The following SPI1 variants were observed in gnomAD, a reference collection of about 807,000 sequenced individuals.
SPI1 encodes the protein Spi-1 proto-oncogene.
SPI1 carries 3 observed loss-of-function variants against 30.7 expected under a neutral mutation model. The ratio of observed to expected loss-of-function variants is 0.10; its 90% CI spans 0.04 to 0.25. The LOEUF (loss-of-function observed/expected upper bound fraction) is 0.25, where lower values mean the gene tolerates loss of function less well. Among genes scored for constraint, SPI1 ranks in the 10% least tolerant of loss-of-function variants. SPI1 has a pLI of 1.00. For missense variants in SPI1, 261 were observed against 371.5 expected, an observed-to-expected ratio of 0.70 and a Z score of 2.45; for synonymous variants, 169 against 157.1, an observed-to-expected ratio of 1.08 and a Z score of -0.56.
At chr11:47,362,913 G>A (rs1213961349) in intron 2 of SPI1, among the ~76,000 whole-genome samples, 2 of 133,204 alleles carry the variant, frequency 1.5e-5, no homozygotes, top group Non-Finnish European at 3.2e-5. Context: ...CAGTGTGCAG[G>A]GGGAGGGGCT....
At chr11:47,376,186 A>C (rs1313821020) in intron 1 of SPI1, among the ~76,000 whole-genome samples, 2 of 151,626 alleles carry the variant, frequency 1.3e-5, no homozygotes, top group Non-Finnish European at 2.9e-5. Context: ...ACACATCTTC[A>C]TACCCACTCA....
rs200444347 is a variant in SPI1, at chr11:47,360,045, G to A, written c.143-5C>T. The stretch of plus-strand genomic sequence containing the variant: ...GGTGGAAGTCCCAGTAATGGTCTGT[G>A]GGGGACAGCCAGGCAGTATGGGGTG... On this transcript the variant is annotated splice_region_variant and splice_polypyrimidine_tract_variant and intron_variant, in intron 2 of 4. Transcript: ENST00000378538. 34 of 1,553,088 alleles carry A rather than the reference G, an allele frequency of 2.2e-5. No individual in the cohort carries two copies. In the East Asian group the frequency reaches 7.6e-4, roughly 35 times the overall value.
intron 2 of SPI1, among the ~76,000 whole-genome samples, chr11:47,360,500 A>C (rs1181007311): frequency 1.3e-5 from 2 of 152,160 alleles, no homozygotes; most frequent in Non-Finnish European, 2.9e-5. Context: ...GCCGGCCCTC[A>C]GGGAAAGTTG....
At chr11:47,370,214 C>A (rs1416660706) in intron 2 of SPI1, among the ~76,000 whole-genome samples, 1 of 151,606 alleles carries the variant, frequency 6.6e-6, no homozygotes, top group African/African-American at 2.4e-5. Flanking sequence ...ACCAGCCTGG[C>A]CAACATGGTG....
intron 2 of SPI1, among the ~76,000 whole-genome samples, chr11:47,364,510 A>G (rs1377244038): frequency 2.0e-5 from 3 of 151,912 alleles, no homozygotes; most frequent in African/African-American, 7.3e-5. Flanking sequence ...GGCTCTGCCC[A>G]TTTTTGCCTT....
chr11:47,355,975 AC>A (rs142497874), intron 4 of SPI1, among the ~76,000 whole-genome samples: 104,073 of 151,274 alleles, frequency 0.69, 35,845 homozygotes, highest in African/African-American at 0.75. Flanking sequence ...ACTCATGCTC[AC>A]ACCCACACAC....
rs2142898253 is a variant in SPI1, at chr11:47,374,780, G to C, written c.142+853C>G. ...CCTGCTCAGGTCCCAGGCACCTAAT[G>C]CCTCTCTCCCATCCCCTGAATTTGC... On this transcript the variant is annotated intron_variant, in intron 2 of 4. Coordinates refer to ENST00000378538, the MANE Select transcript of SPI1 (RefSeq NM_003120.3). This position sits in a 1 kb window ranked among gnomAD's most constrained non-coding sequence, Gnocchi z 4.5. 6.6e-6 allele frequency among the ~76,000 whole-genome samples: 1 copy of C among 152,368 alleles called. No individual in the cohort carries two copies. Among genetic ancestry groups the C allele is most frequent in the Middle Eastern group, 3.4e-3 (1 of 294 alleles).
At chr11:47,363,485 C>T (rs1473986006) in intron 2 of SPI1, among the ~76,000 whole-genome samples, 1 of 151,884 alleles carries the variant, frequency 6.6e-6, no homozygotes, top group Admixed American at 6.5e-5. Flanking sequence ...CACACCACTG[C>T]ACTCCAGCCT....
chr11:47,364,236 G>A (rs2095925230), intron 2 of SPI1, among the ~76,000 whole-genome samples: 1 of 151,930 alleles, frequency 6.6e-6, no homozygotes, highest in South Asian at 2.1e-4. Context: ...TTTTTTAGTA[G>A]AGACGGGTTT....
rs563746469 is a variant in SPI1, at chr11:47,368,163, C to T, written c.142+7470G>A. 8.5e-5 allele frequency among the ~76,000 whole-genome samples: 13 copies of T among 152,236 alleles called. No homozygotes were observed. The South Asian group carries it at 2.5e-3, about 29-fold the overall frequency. The stretch of plus-strand genomic sequence containing the variant: ...GGCAGATCGCCTGAGGTCAGGAGTT[C>T]GAGACCAGCCTGGCCAACATGGCAA... On this transcript the variant is annotated intron_variant, in intron 2 of 4. Coordinates refer to ENST00000378538, the MANE Select transcript of SPI1 (RefSeq NM_003120.3).
intron 4 of SPI1, among the ~76,000 whole-genome samples, chr11:47,356,137 C>G (rs140064370): frequency 6.6e-6 from 1 of 151,726 alleles, no homozygotes; most frequent in Non-Finnish European, 1.5e-5. Context: ...CCCACTTGCA[C>G]ATTCACACCC....
At chr11:47,358,316 G>C in intron 4 of SPI1, 1 of 533,364 alleles carries the variant, frequency 1.9e-6, no homozygotes, top group Non-Finnish European at 3.4e-6. Flanking sequence ...CCTGCTTACA[G>C]CCACTCACAT....
intron 2 of SPI1, among the ~76,000 whole-genome samples, chr11:47,361,983 C>G (rs545149614): frequency 4.3e-4 from 65 of 152,258 alleles, no homozygotes; most frequent in African/African-American, 1.5e-3. Context: ...AACCCAGACT[C>G]CCACCTTTAG....
chr11:47,361,284 C>T (rs1233380657), intron 2 of SPI1, among the ~76,000 whole-genome samples: 1 of 152,168 alleles, frequency 6.6e-6, no homozygotes, highest in Non-Finnish European at 1.5e-5. Flanking sequence ...ATTCCTCACA[C>T]ACTAGAACTT....
At chr11:47,369,933 G>A (rs1397127834) in intron 2 of SPI1, among the ~76,000 whole-genome samples, 1 of 152,152 alleles carries the variant, frequency 6.6e-6, no homozygotes, top group Non-Finnish European at 1.5e-5. Flanking sequence ...ACAGTAGCTC[G>A]TTCAGTCCTT....
chr11:47,362,643 T>C (rs2095922509), intron 2 of SPI1, among the ~76,000 whole-genome samples: 1 of 143,848 alleles, frequency 7.0e-6, no homozygotes, highest in Non-Finnish European at 1.5e-5. Context: ...TGGCACGATA[T>C]CGGCTCACTG....
intron 2 of SPI1, among the ~76,000 whole-genome samples, chr11:47,369,601 T>C (rs1204487207): frequency 1.4e-5 from 2 of 147,240 alleles, no homozygotes; most frequent in Middle Eastern, 3.3e-3. Context: ...AAAAGCTAGG[T>C]TAATTATAAA....
intron 4 of SPI1, among the ~76,000 whole-genome samples, chr11:47,357,326 C>T (rs1234991979): frequency 3.4e-5 from 5 of 145,368 alleles, no homozygotes; most frequent in African/African-American, 1.3e-4. Context: ...TTTCACACCT[C>T]ATTGACACCT....
chr11:47,360,079 G>T, intron 2 of SPI1, 39 bp from the exon 3 acceptor site: 9 of 1,453,242 alleles, frequency 6.2e-6, no homozygotes, highest in Non-Finnish European at 8.3e-6. Context: ...TGAGCTCAGG[G>T]TTGGGCAGGG....
Sources: allele counts gnomAD v4.1 joint callset (sites outside exome capture counted in the v4.1 genomes callset), GRCh38; gene constraint gnomAD v4.1.1; non-coding constraint Gnocchi (gnomAD v3.1); transcripts MANE v1.5; gene names NCBI Gene and HGNC (gene_info 2026-07-23, HGNC 2026-07-21).